SMPDL3A: variants seen among roughly 807,000 people sequenced by gnomAD.
The protein encoded by SMPDL3A is sphingomyelin phosphodiesterase acid like 3A.
A neutral mutation model predicts 38.5 loss-of-function variants in SMPDL3A; 39 were observed. That is an observed-to-expected ratio of 1.01 (90% confidence interval 0.78 to 1.32). SMPDL3A has a LOEUF of 1.32. Among genes scored for constraint, SMPDL3A ranks in the 40% most tolerant of loss-of-function variants. The pLI is 0.00. For missense variants in SMPDL3A, 502 were observed against 536.2 expected, an observed-to-expected ratio of 0.94 and a Z score of 0.63; for synonymous variants, 180 against 194.3, an observed-to-expected ratio of 0.93 and a Z score of 0.61.
chr6:122,804,912 T>C lies in SMPDL3A; in HGVS notation c.742T>C (p.Tyr248His). 1 of 1,608,502 alleles carries C rather than the reference T, an allele frequency of 6.2e-7. No homozygotes were observed. The highest frequency in any genetic ancestry group is 8.5e-7 in the Non-Finnish European group (1 of 1,178,422). The stretch of plus-strand genomic sequence containing the variant: ...CTTTTTGTGTTTCTTTTTCCAGGTG[T>C]ATATCATAGCACATGTTCCAGTGGG... ...NNSQQNKEKV[Y>H]IIAHVPVGYL... Residue 248 changes from tyrosine (Y) to histidine (H), a missense_variant, in exon 6 of 8, where the codon TAT becomes CAT. By Grantham distance (83) the Tyr-to-His change is moderately conservative. Transcript: ENST00000368440.
intron 7 of SMPDL3A, among the ~76,000 whole-genome samples, chr6:122,806,980 T>C (rs1781643073): frequency 6.6e-6 from 1 of 151,894 alleles, no homozygotes; most frequent in South Asian, 2.1e-4. Context: ...AGCCTCAAAC[T>C]CCTGGGCTCA....
intron 3 of SMPDL3A, among the ~76,000 whole-genome samples, chr6:122,800,087 G>A (rs899356189): frequency 6.6e-6 from 1 of 151,178 alleles, no homozygotes; most frequent in African/African-American, 2.4e-5. Context: ...TCCTGGCTTA[G>A]CCTTTCAAAG....
intron 1 of SMPDL3A, among the ~76,000 whole-genome samples, chr6:122,790,398 C>G (rs1371877684): frequency 2.0e-5 from 3 of 152,142 alleles, no homozygotes; most frequent in Admixed American, 1.3e-4. Flanking sequence ...GTGCCCTCAC[C>G]TCCTCAACTC....
At chr6:122,791,700 T>A (rs1781082136) in intron 1 of SMPDL3A, among the ~76,000 whole-genome samples, 1 of 152,122 alleles carries the variant, frequency 6.6e-6, no homozygotes, top group African/African-American at 2.4e-5. Flanking sequence ...TTATTTTATT[T>A]TATTTTTTAT....
intron 5 of SMPDL3A, 116 bp from the exon 6 acceptor site, chr6:122,804,793 A>C: frequency 1.2e-6 from 1 of 800,288 alleles, no homozygotes; most frequent in South Asian, 1.8e-5. Context: ...GAGATGATAT[A>C]TTTGCTTTCT....
At chr6:122,809,046 T>G in intron 7 of SMPDL3A, 45 bp from the exon 8 acceptor site, 2 of 1,451,270 alleles carry the variant, frequency 1.4e-6, no homozygotes, top group Non-Finnish European at 1.9e-6. Context: ...CAATGCCTTA[T>G]GTGCCAAAAA....
chr6:122,797,133 G>C, intron 3 of SMPDL3A, 165 bp downstream of exon 3: 1 of 497,224 alleles, frequency 2.0e-6, no homozygotes, highest in Non-Finnish European at 3.5e-6. Context: ...GTACTTCGGG[G>C]ACTGTAAAAG....
Position 122,796,949 on chromosome 6 carries a change from A to G in SMPDL3A, c.452A>G (p.Asn151Ser), listed in dbSNP as rs533825073. 1.4e-5 allele frequency: 22 copies of G among 1,613,564 alleles called. No individual in the cohort carries two copies. The South Asian group carries it at 1.6e-4, about 12-fold the overall frequency. ...PNLQVFPALG[N>S]HDYWPQDQLP... The stretch of plus-strand genomic sequence containing the variant: ...CTCCAGGTTTTCCCTGCGCTGGGTA[A>G]TCATGACTATTGGCCACAGGTAAAT... Residue 151 changes from asparagine (N) to serine (S), a missense_variant, in exon 3 of 8, where the codon AAT becomes AGT. Asn to Ser is a conservative substitution (Grantham distance 46). Coordinates refer to ENST00000368440, the MANE Select transcript of SMPDL3A (RefSeq NM_006714.5).
intron 5 of SMPDL3A, 132 bp downstream of exon 5, chr6:122,803,965 C>A: frequency 1.4e-5 from 9 of 659,266 alleles, no homozygotes; most frequent in East Asian, 2.8e-5. Flanking sequence ...AAACACTTTA[C>A]AACTCATGGA....
At chr6:122,802,303 G>A (rs1477954830) in intron 4 of SMPDL3A, among the ~76,000 whole-genome samples, 1 of 151,236 alleles carries the variant, frequency 6.6e-6, no homozygotes, top group African/African-American at 2.4e-5. Flanking sequence ...CTGGTTTCAA[G>A]CGATTCTCCT....
chr6:122,792,807 C>T (rs1781120580), intron 1 of SMPDL3A, among the ~76,000 whole-genome samples: 1 of 151,988 alleles, frequency 6.6e-6, no homozygotes, highest in African/African-American at 2.4e-5. Flanking sequence ...GTCTCAAAAT[C>T]CTGAGCTCAA....
intron 5 of SMPDL3A, among the ~76,000 whole-genome samples, chr6:122,804,324 A>G (rs909882628): frequency 1.5e-5 from 2 of 135,022 alleles, no homozygotes; most frequent in African/African-American, 5.7e-5. Context: ...TTTTTCAGAG[A>G]CAGGGGTCTC....
intron 1 of SMPDL3A, among the ~76,000 whole-genome samples, chr6:122,791,574 T>A (rs1022142353): frequency 6.6e-6 from 1 of 152,218 alleles, no homozygotes. Context: ...ATTGGATTCT[T>A]GAGAAGTTAT....
chr6:122,790,459 G>A (rs999081475), intron 1 of SMPDL3A, among the ~76,000 whole-genome samples: 3 of 152,180 alleles, frequency 2.0e-5, no homozygotes, highest in African/African-American at 7.2e-5. Flanking sequence ...TAGAGAAGTG[G>A]GGTTCTGTTT....
intron 1 of SMPDL3A, among the ~76,000 whole-genome samples, chr6:122,791,803 C>G (rs1419396162): frequency 6.6e-6 from 1 of 152,172 alleles, no homozygotes; most frequent in East Asian, 1.9e-4. Flanking sequence ...ACGCCATTCT[C>G]CTGCCTCAGC....
chr6:122,794,147 C>G (rs1310127746), intron 1 of SMPDL3A, among the ~76,000 whole-genome samples: 1 of 152,030 alleles, frequency 6.6e-6, no homozygotes, highest in Non-Finnish European at 1.5e-5. Context: ...TTTTTCAATT[C>G]TAAAATGAGG....
At chr6:122,807,093 G>T (rs1411600248) in intron 7 of SMPDL3A, among the ~76,000 whole-genome samples, 2 of 131,754 alleles carry the variant, frequency 1.5e-5, no homozygotes, top group African/African-American at 5.5e-5. Context: ...GGGGGGGGGG[G>T]TCTCCCTATG....
intron 4 of SMPDL3A, among the ~76,000 whole-genome samples, chr6:122,803,274 A>T (rs1006594899): frequency 6.6e-6 from 1 of 152,176 alleles, no homozygotes; most frequent in Non-Finnish European, 1.5e-5. Context: ...ATGTGTTACC[A>T]TTTTTTGGAT....
chr6:122,801,523 G>T, intron 4 of SMPDL3A, 117 bp downstream of exon 4: 1 of 711,536 alleles, frequency 1.4e-6, no homozygotes, highest in Non-Finnish European at 2.5e-6. Context: ...CCCAGTTTTT[G>T]TGGAGGACAG....
Sources: allele counts gnomAD v4.1 joint callset (sites outside exome capture counted in the v4.1 genomes callset), GRCh38; gene constraint gnomAD v4.1.1; transcripts MANE v1.5; gene names NCBI Gene and HGNC (gene_info 2026-07-23, HGNC 2026-07-21).